Variants in NELL1 observed in about 807,000 individuals in gnomAD.
NELL1 encodes protein kinase C-binding protein NELL1.
Under a neutral mutation model 107.4 loss-of-function variants are expected in NELL1, and 76 were observed. The ratio of observed to expected loss-of-function variants is 0.71; its 90% CI spans 0.59 to 0.86. NELL1 has a LOEUF of 0.86. Ranked by LOEUF, NELL1 falls within the 40% of genes least tolerant of loss-of-function variation. The pLI is 0.00. For missense variants in NELL1, 1,024 were observed against 1,005.5 expected, an observed-to-expected ratio of 1.02 and a Z score of -0.25; for synonymous variants, 353 against 341.2, an observed-to-expected ratio of 1.03 and a Z score of -0.38.
chr11:20,700,639 C>T (rs970176034), intron 2 of NELL1, among the ~76,000 whole-genome samples: 1 of 151,998 alleles, frequency 6.6e-6, no homozygotes, highest in African/African-American at 2.4e-5. Flanking sequence ...GGTATATATC[C>T]TAATGCTATC....
At chr11:20,780,089 G>A (rs1856824089) in intron 2 of NELL1, among the ~76,000 whole-genome samples, 2 of 152,140 alleles carry the variant, frequency 1.3e-5, no homozygotes, top group African/African-American at 4.8e-5. Flanking sequence ...TATCAAAACA[G>A]GTGTTTCTTA....
intron 12 of NELL1, among the ~76,000 whole-genome samples, chr11:21,019,345 A>G (rs1852644342): frequency 6.6e-6 from 1 of 152,086 alleles, no homozygotes; most frequent in Non-Finnish European, 1.5e-5. Flanking sequence ...TTAATACTGC[A>G]TCTTATCCTG....
chr11:20,863,338 C>G (rs71453101), intron 4 of NELL1, among the ~76,000 whole-genome samples: 1 of 71,516 alleles, frequency 1.4e-5, no homozygotes, highest in Non-Finnish European at 3.9e-5. Context: ...ACCTCCCTCC[C>G]GGACGGGGCG....
intron 3 of NELL1, among the ~76,000 whole-genome samples, chr11:20,836,226 A>G (rs1439548731): frequency 6.6e-6 from 1 of 152,030 alleles, no homozygotes; most frequent in Non-Finnish European, 1.5e-5. Flanking sequence ...AATGCTAATT[A>G]AAACAATGAT....
At chr11:20,718,947 G>A (rs565995106) in intron 2 of NELL1, among the ~76,000 whole-genome samples, 33 of 152,272 alleles carry the variant, frequency 2.2e-4, no homozygotes, top group Non-Finnish European at 3.8e-4. Flanking sequence ...GGAGCAAGCT[G>A]ACAGGGCAGC....
intron 2 of NELL1, among the ~76,000 whole-genome samples, chr11:20,720,197 T>C (rs1855346768): frequency 2.1e-5 from 2 of 93,642 alleles, no homozygotes; most frequent in Non-Finnish European, 4.0e-5. Flanking sequence ...GGCCAGTTCA[T>C]TCCTGTTTTT....
chr11:21,158,497 ATTT>A (rs1265732490), intron 13 of NELL1, among the ~76,000 whole-genome samples: 1 of 152,122 alleles, frequency 6.6e-6, no homozygotes, highest in Non-Finnish European at 1.5e-5. Flanking sequence ...TTGTTTTCCA[ATTT>A]TACTTTACAT....
intron 3 of NELL1, among the ~76,000 whole-genome samples, chr11:20,806,574 C>G (rs1857389103): frequency 6.6e-6 from 1 of 152,142 alleles, no homozygotes; most frequent in Non-Finnish European, 1.5e-5. Flanking sequence ...ATATTGACAA[C>G]TTCCTCTAGA....
At chr11:21,389,796 A>G (rs2133780847) in intron 15 of NELL1, among the ~76,000 whole-genome samples, 1 of 151,942 alleles carries the variant, frequency 6.6e-6, no homozygotes, top group South Asian at 2.1e-4. Flanking sequence ...TTTTGTGGAT[A>G]TCCCAAAATG....
chr11:21,024,209 T>G (rs532720407), intron 12 of NELL1, among the ~76,000 whole-genome samples: 2 of 152,146 alleles, frequency 1.3e-5, no homozygotes, highest in Non-Finnish European at 2.9e-5. Flanking sequence ...ATTTATTTAC[T>G]TCATTCACAA....
intron 14 of NELL1, among the ~76,000 whole-genome samples, chr11:21,238,903 T>C (rs954557834): frequency 2.0e-5 from 3 of 152,102 alleles, no homozygotes; most frequent in African/African-American, 4.8e-5. Context: ...TTTCTTCACC[T>C]GTGAAAGGTG....
At chr11:21,574,676 A>G (rs76520863) in intron 19 of NELL1, among the ~76,000 whole-genome samples, 1,890 of 151,922 alleles carry the variant, frequency 0.012, 38 homozygotes, top group East Asian at 0.072. Context: ...CAAACAGGTC[A>G]TGTGAAAAGT....
rs376112285 is a variant in NELL1 at position 21,335,410 on chromosome 11, G to T, written c.1550-35443G>T. Among the ~76,000 whole-genome samples, 276 of 152,022 alleles carry T rather than the reference G, an allele frequency of 1.8e-3. 9 individuals are homozygous for T. The South Asian group carries it at 0.054, about 29-fold the overall frequency. On this transcript the variant is annotated intron_variant, in intron 14 of 19. Transcript: ENST00000357134. ...TTTCTTATCCTATTTTATTTAGAGT[G>T]GGAAAAAGCTATGACTGAGGAAAAT...
intron 13 of NELL1, among the ~76,000 whole-genome samples, chr11:21,227,384 ACT>A (rs1217536897): frequency 6.6e-6 from 1 of 151,930 alleles, no homozygotes; most frequent in African/African-American, 2.4e-5. Flanking sequence ...ACTACTTATA[ACT>A]CTTATCACTT....
At chr11:20,927,161 AC>A (rs1377416320) in intron 7 of NELL1, 146 bp from the exon 8 acceptor site, 1 of 682,132 alleles carries the variant, frequency 1.5e-6, no homozygotes, top group African/African-American at 1.9e-5. Flanking sequence ...AATAAAAAAA[AC>A]AAAAAACAGA....
intron 15 of NELL1, among the ~76,000 whole-genome samples, chr11:21,434,019 T>A (rs1445222465): frequency 6.6e-6 from 1 of 152,204 alleles, no homozygotes; most frequent in Non-Finnish European, 1.5e-5. Context: ...CTCAAATCAT[T>A]TGCCCATTTT....
At chr11:20,888,499 T>C (rs1849555446) in intron 5 of NELL1, among the ~76,000 whole-genome samples, 1 of 151,696 alleles carries the variant, frequency 6.6e-6, no homozygotes. Flanking sequence ...TATGCATATA[T>C]ATTTGAAAAT....
intron 2 of NELL1, among the ~76,000 whole-genome samples, chr11:20,704,005 A>G (rs1301497772): frequency 6.6e-6 from 1 of 152,206 alleles, no homozygotes; most frequent in Non-Finnish European, 1.5e-5. Context: ...AGAGTTCTGT[A>G]GATGTCTATT....
chr11:20,677,354 C>G (rs1009541344), intron 1 of NELL1, among the ~76,000 whole-genome samples: 1 of 152,102 alleles, frequency 6.6e-6, no homozygotes, highest in Non-Finnish European at 1.5e-5. Flanking sequence ...GTCTCTGAGG[C>G]AGGTGGATCA....
Sources: allele counts gnomAD v4.1 joint callset (sites outside exome capture counted in the v4.1 genomes callset), GRCh38; gene constraint gnomAD v4.1.1; transcripts MANE v1.5; gene names NCBI Gene and HGNC (gene_info 2026-07-23, HGNC 2026-07-21).